TEX22: variants seen among roughly 807,000 people sequenced by gnomAD.
TEX22 encodes testis expressed 22.
TEX22 carries 16 observed loss-of-function variants against 11.3 expected under a neutral mutation model. That is an observed-to-expected ratio of 1.42 (90% confidence interval 0.96 to 2.15). The LOEUF is 2.15. Ranked by LOEUF, TEX22 falls within the 30% of genes most tolerant of loss-of-function variation. The pLI is 0.00. For synonymous variants in TEX22, 97 were observed against 92.3 expected, an observed-to-expected ratio of 1.05 and a Z score of -0.29; for missense variants, 220 against 208.6, an observed-to-expected ratio of 1.05 and a Z score of -0.34.
rs1555419624 is a variant in TEX22, at chr14:105,413,686, G to C, written c.*1853G>C. 1.3e-5 allele frequency: 2 copies of C among 152,318 alleles called. No individual in the cohort carries two copies. Among genetic ancestry groups the C allele is most frequent in the African/African-American group, 4.8e-5 (2 of 41,444 alleles). 9.4% of individuals were successfully genotyped at this position (152,318 alleles called of 1,614,324 possible). ...TGAGGCCCAGAGCCAGTCTCCTGGT[G>C]GGTAAGGTGGCCACAGGGCCAGCTG... On this transcript the variant is annotated 3_prime_UTR_variant, in exon 4 of 4. Coordinates refer to ENST00000451127, the MANE Select transcript of TEX22 (RefSeq NM_001195082.2). This position sits in a 1 kb window ranked among gnomAD's most constrained non-coding sequence, Gnocchi z 4.2.
At position 105,412,056 on chromosome 14, in the gene TEX22, C is replaced by T; in HGVS notation, c.*223C>T. The stretch of plus-strand genomic sequence containing the variant: ...CCATCTAGGGGAGGGGAACACTGCC[C>T]CGGGTCAGTCTGAGAGGGCCCTGGC... On this transcript the variant is annotated 3_prime_UTR_variant, in exon 4 of 4. Transcript: ENST00000451127. This position sits in a 1 kb window ranked among gnomAD's most constrained non-coding sequence, Gnocchi z 5.8. 2.4e-6 allele frequency: 1 copy of T among 422,530 alleles called. No homozygotes were observed. Among genetic ancestry groups the T allele is most frequent in the Non-Finnish European group, 4.1e-6 (1 of 241,236 alleles). 26.2% of individuals were successfully genotyped at this position (422,530 alleles called of 1,614,324 possible).
chr14:105,402,828 T>C (rs1389142404), intron 2 of TEX22, among the ~76,000 whole-genome samples: 1 of 151,818 alleles, frequency 6.6e-6, no homozygotes. Context: ...TGTTACTGAA[T>C]AGCATGTAGA....
In TEX22 at chr14:105,408,774, G is replaced by A. The variant is rs368298557; in HGVS notation, c.151-2594G>A. Among the ~76,000 whole-genome samples the A allele has an allele frequency of 2.9e-4, 44 of 152,056 alleles. 1 individual carries two copies. Among genetic ancestry groups the A allele is most frequent in the African/African-American group, 7.7e-4 (32 of 41,436 alleles). On this transcript the variant is annotated intron_variant, in intron 2 of 3. Transcript: ENST00000451127. ...TCTTGCATTCTGTCCATGCCCCACC[G>A]CAGAGACGAAGGGTGTAGCGCCCCT...
intron 2 of TEX22, among the ~76,000 whole-genome samples, chr14:105,401,717 G>T (rs587727999): frequency 6.6e-6 from 1 of 152,034 alleles, no homozygotes; most frequent in African/African-American, 2.4e-5. Flanking sequence ...ATGTACCCTA[G>T]AACTTAAAAG....
chr14:105,405,576 A>G (rs1181504767), intron 2 of TEX22, among the ~76,000 whole-genome samples: 1 of 152,232 alleles, frequency 6.6e-6, no homozygotes, highest in Non-Finnish European at 1.5e-5. Context: ...ACGGCCGTGC[A>G]TCAGTTCACA....
intron 2 of TEX22, among the ~76,000 whole-genome samples, chr14:105,406,928 C>T (rs752936236): frequency 2.6e-5 from 4 of 152,132 alleles, no homozygotes; most frequent in African/African-American, 7.2e-5. Context: ...ATAATTTGCA[C>T]GGTCATGGTT....
chr14:105,399,989 T>C (rs1408242424), intron 2 of TEX22, among the ~76,000 whole-genome samples: 3 of 152,180 alleles, frequency 2.0e-5, no homozygotes, highest in Non-Finnish European at 2.9e-5. Flanking sequence ...TGCTGGACAG[T>C]GAGCTACAGG....
chr14:105,402,206 C>G (rs2081631145), intron 2 of TEX22, among the ~76,000 whole-genome samples: 1 of 151,978 alleles, frequency 6.6e-6, no homozygotes. Context: ...AAACAGTATT[C>G]TGGAAACCGA....
rs2081694117 is a variant in TEX22, at chr14:105,411,695, G to A, written c.315G>A (p.Glu105=). The A allele has an allele frequency of 1.3e-6, 2 of 1,531,682 alleles. No individual in the cohort carries two copies. The highest frequency in any genetic ancestry group is 2.4e-5 in the South Asian group (2 of 83,994). The allele number at this position is 1,531,682 out of a possible 1,614,324, so 94.9% of individuals were successfully genotyped here. A position where few individuals can be genotyped will look rare whatever the true frequency, so the allele number is the denominator to read the frequency against. ...AGATGGTAGCCCAGCTGGTGTCGGAGGACGTGGACAAGGACGTGCTCCTTC... is the reference window on the plus strand; with the variant it reads ...AGATGGTAGCCCAGCTGGTGTCGGAAGACGTGGACAAGGACGTGCTCCTTC... The part of the protein sequence containing the change: ...VVQMVAQLVS[E]DVDKDVLLPH... Residue 105 remains glutamate, a synonymous_variant, in exon 4 of 4, where the codon GAG becomes GAA. Transcript: ENST00000451127.
In TEX22 at chr14:105,411,799, C is replaced by T. The variant is rs1390455858; in HGVS notation, c.419C>T (p.Ala140Val). ...CGCAGTGCGCCTTTCTGGCATAATG[C>T]GACTTTCGAGGCCTCGAGGTCACCC... ...LARSAPFWHN[A>V]TFEASRSPPS The change falls in exon 4 of 4, where the codon GCG becomes GTG. Residue 140 changes from alanine (A) to valine (V), a missense_variant. Coordinates refer to ENST00000451127, the MANE Select transcript of TEX22 (RefSeq NM_001195082.2). 15 of 1,468,800 alleles carry T rather than the reference C, an allele frequency of 1.0e-5. No homozygotes were observed. In the East Asian group the frequency reaches 2.6e-4, roughly 25 times the overall value. The allele number at this position is 1,468,800 out of a possible 1,614,324, so 91.0% of individuals were successfully genotyped here.
At chr14:105,400,223 G>C (rs1330674641) in intron 2 of TEX22, among the ~76,000 whole-genome samples, 3 of 152,212 alleles carry the variant, frequency 2.0e-5, no homozygotes, top group African/African-American at 7.2e-5. Flanking sequence ...AGTTCAGTGT[G>C]GGGAGCTCAT....
At chr14:105,400,609 G>T (rs2081621709) in intron 2 of TEX22, among the ~76,000 whole-genome samples, 1 of 152,162 alleles carries the variant, frequency 6.6e-6, no homozygotes, top group South Asian at 2.1e-4. Context: ...CAGGGACCCA[G>T]TGGCTCTTGG....
chr14:105,403,601 T>A (rs56169256), intron 2 of TEX22, among the ~76,000 whole-genome samples: 119 of 152,302 alleles, frequency 7.8e-4, no homozygotes, highest in African/African-American at 2.6e-3. Flanking sequence ...TTTAAAAAAA[T>A]TTTTGCAGAG....
rs142968492 is a variant in TEX22, at chr14:105,413,260, G to T, written c.*1427G>T. 0.018 allele frequency: 2,767 copies of T among 152,324 alleles called. 36 individuals are homozygous for T. Among genetic ancestry groups the T allele is most frequent in the Non-Finnish European group, 0.029 (2,008 of 68,092 alleles). The allele number at this position is 152,324 out of a possible 1,614,324, so 9.4% of individuals were successfully genotyped here. A position where few individuals can be genotyped will look rare whatever the true frequency, so the allele number is the denominator to read the frequency against. On this transcript the variant is annotated 3_prime_UTR_variant, in exon 4 of 4. Coordinates refer to ENST00000451127, the MANE Select transcript of TEX22 (RefSeq NM_001195082.2). This position sits in a 1 kb window ranked among gnomAD's most constrained non-coding sequence, Gnocchi z 4.2. Reference sequence around the variant, plus strand: ...AGGGCACTGTCCTTAAGGGTGTGGGGAGTTTTGGGTCATGACCCACCCCCT... The same window carrying T: ...AGGGCACTGTCCTTAAGGGTGTGGGTAGTTTTGGGTCATGACCCACCCCCT...
chr14:105,409,557 G>A (rs759559933), intron 2 of TEX22, among the ~76,000 whole-genome samples: 338 of 148,702 alleles, frequency 2.3e-3, no homozygotes, highest in Middle Eastern at 0.014. Context: ...CTGGAGTGCA[G>A]TGGTGCAATC....
At chr14:105,407,681 C>G (rs1250564161) in intron 2 of TEX22, among the ~76,000 whole-genome samples, 1 of 152,180 alleles carries the variant, frequency 6.6e-6, no homozygotes, top group African/African-American at 2.4e-5. Flanking sequence ...TTGTTTCTTT[C>G]TAAATAAATT....
Position 105,411,476 on chromosome 14 carries a change from G to C in TEX22, c.259G>C (p.Gly87Arg). 3.2e-6 allele frequency: 4 copies of C among 1,234,032 alleles called. No individual in the cohort carries two copies. Among genetic ancestry groups the C allele is most frequent in the Middle Eastern group, 3.2e-4 (1 of 3,152 alleles). The allele number at this position is 1,234,032 out of a possible 1,614,324, so 76.4% of individuals were successfully genotyped here. A position where few individuals can be genotyped will look rare whatever the true frequency, so the allele number is the denominator to read the frequency against. ...CGGCCGGGAGAGGCCGGGCGCCGCCGGGACCCAGCTGCACTGCAGGGTGCG... is the reference window on the plus strand; with the variant it reads ...CGGCCGGGAGAGGCCGGGCGCCGCCCGGACCCAGCTGCACTGCAGGGTGCG... The part of the protein sequence containing the change: ...LGGRERPGAA[G>R]TQLHCRDVVQ... Residue 87 changes from glycine to arginine, a missense_variant, in exon 3 of 4, where the codon GGG becomes CGG. Physicochemically the swap from Gly to Arg is moderately radical, Grantham distance 125 (BLOSUM62 -2). Coordinates refer to ENST00000451127, the MANE Select transcript of TEX22 (RefSeq NM_001195082.2).
At chr14:105,401,333 CAAT>C (rs1428165752) in intron 2 of TEX22, among the ~76,000 whole-genome samples, 1 of 152,070 alleles carries the variant, frequency 6.6e-6, no homozygotes, top group Non-Finnish European at 1.5e-5. Flanking sequence ...ATGATTATCT[CAAT>C]AGATGTTGAA....
chr14:105,406,625 C>G (rs6576085), intron 2 of TEX22, among the ~76,000 whole-genome samples: 131,893 of 151,054 alleles, frequency 0.87, 60,458 homozygotes, highest in Non-Finnish European at 1. Context: ...GACCCTGTAT[C>G]TTTAAAAAAA....
Sources: gnomAD v4.1 joint callset for allele counts (sites outside exome capture counted in the v4.1 genomes callset) on GRCh38, gnomAD v4.1.1 for gene constraint, Gnocchi (gnomAD v3.1) non-coding constraint, MANE v1.5 for transcripts, NCBI Gene and HGNC (gene_info 2026-07-23, HGNC 2026-07-21) for gene names.